Variants in GPR141 observed in about 807,000 individuals in gnomAD.
GPR141 encodes the protein probable G protein-coupled receptor 141.
A neutral mutation model predicts 6.8 loss-of-function variants in GPR141; 6 were observed. The ratio of observed to expected loss-of-function variants is 0.88; its 90% CI spans 0.48 to 1.74. The LOEUF (loss-of-function observed/expected upper bound fraction) is 1.74, where lower values mean the gene tolerates loss of function less well. GPR141 is among the 40% of genes most tolerant of loss of function. The pLI is 0.01. For synonymous variants in GPR141, 140 were observed against 142.3 expected, an observed-to-expected ratio of 0.98 and a Z score of 0.11; for missense variants, 372 against 372.9, an observed-to-expected ratio of 1.00 and a Z score of 0.02.
At chr7:37,685,641 T>C (rs1455123133) in intron 2 of GPR141, 58 bp downstream of exon 2, 1 of 151,778 alleles carries the variant, frequency 6.6e-6, no homozygotes, top group Non-Finnish European at 1.5e-5. Flanking sequence ...AGAGACAGGG[T>C]CTTGCTCATG....
chr7:37,705,751 T>C (rs1426363036), intron 2 of GPR141, among the ~76,000 whole-genome samples: 5 of 152,186 alleles, frequency 3.3e-5, no homozygotes, highest in African/African-American at 9.6e-5. Flanking sequence ...ATAAAAAATA[T>C]AGACAGCTAT....
At chr7:37,699,635 G>T (rs960481531) in intron 2 of GPR141, among the ~76,000 whole-genome samples, 1 of 152,208 alleles carries the variant, frequency 6.6e-6, no homozygotes, top group Non-Finnish European at 1.5e-5. Context: ...TGGCAGGTGG[G>T]ATTGGGCCCT....
At chr7:37,705,612 C>A (rs1810491425) in intron 2 of GPR141, among the ~76,000 whole-genome samples, 1 of 152,040 alleles carries the variant, frequency 6.6e-6, no homozygotes, top group African/African-American at 2.4e-5. Flanking sequence ...CTTGGTAAAC[C>A]TGATTTGAAG....
chr7:37,730,905 C>G (rs1165784860), intron 2 of GPR141, among the ~76,000 whole-genome samples: 1 of 152,208 alleles, frequency 6.6e-6, no homozygotes, highest in Non-Finnish European at 1.5e-5. Context: ...AAGCTTTGAA[C>G]TTTCCATTTT....
chr7:37,691,030 T>C (rs1356770338), intron 2 of GPR141, among the ~76,000 whole-genome samples: 1 of 152,226 alleles, frequency 6.6e-6, no homozygotes, highest in African/African-American at 2.4e-5. Flanking sequence ...TGGTGTGTTC[T>C]CTTTCTGAAT....
At chr7:37,733,671 C>CAAA (rs55943222) in intron 2 of GPR141, among the ~76,000 whole-genome samples, 8 of 101,298 alleles carry the variant, frequency 7.9e-5, no homozygotes, top group Non-Finnish European at 1.5e-4. Flanking sequence ...AACTCCATCT[C>CAAA]AAAAAAAAAA....
chr7:37,715,952 G>A (rs1222391886), intron 2 of GPR141, among the ~76,000 whole-genome samples: 1 of 152,168 alleles, frequency 6.6e-6, no homozygotes, highest in Non-Finnish European at 1.5e-5. Flanking sequence ...GCCCAAACTA[G>A]TAATTGTGAT....
intron 2 of GPR141, among the ~76,000 whole-genome samples, chr7:37,722,649 G>A (rs1440155743): frequency 6.6e-6 from 1 of 150,802 alleles, no homozygotes; most frequent in Non-Finnish European, 1.5e-5. Context: ...TTGAACCCAG[G>A]AGGTGGAGGT....
intron 2 of GPR141, chr7:37,730,117 TTCTTC>T (rs1181005567): frequency 6.6e-6 from 1 of 152,216 alleles, no homozygotes; most frequent in South Asian, 2.1e-4. Flanking sequence ...TCCCTTCATC[TTCTTC>T]TCTTCTTTCT....
chr7:37,694,942 A>G (rs1281901309), intron 2 of GPR141, among the ~76,000 whole-genome samples: 1 of 152,136 alleles, frequency 6.6e-6, no homozygotes, highest in African/African-American at 2.4e-5. Context: ...AAGGGTAGAT[A>G]AAGGAATTCC....
intron 2 of GPR141, among the ~76,000 whole-genome samples, chr7:37,686,167 T>A (rs1320385399): frequency 6.7e-6 from 1 of 149,798 alleles, no homozygotes; most frequent in Non-Finnish European, 1.5e-5. Flanking sequence ...CCTGCCTTTT[T>A]TTTTTTTTTT....
At chr7:37,717,454 A>G (rs1258620606) in intron 2 of GPR141, among the ~76,000 whole-genome samples, 1 of 152,198 alleles carries the variant, frequency 6.6e-6, no homozygotes, top group East Asian at 1.9e-4. Context: ...TTGCTGATTG[A>G]TGCATTTCAG....
At chr7:37,706,230 T>C (rs1484536858) in intron 2 of GPR141, among the ~76,000 whole-genome samples, 11 of 152,194 alleles carry the variant, frequency 7.2e-5, no homozygotes, top group Non-Finnish European at 1.3e-4. Flanking sequence ...CTAACCTTTG[T>C]GGCCAGGGAC....
At chr7:37,686,430 A>G (rs1269958827) in intron 2 of GPR141, among the ~76,000 whole-genome samples, 1 of 152,166 alleles carries the variant, frequency 6.6e-6, no homozygotes, top group East Asian at 1.9e-4. Context: ...AAATTATGTT[A>G]TTGTCCCATC....
At chr7:37,688,828 AT>A (rs1329014820) in intron 2 of GPR141, among the ~76,000 whole-genome samples, 2 of 152,072 alleles carry the variant, frequency 1.3e-5, no homozygotes, top group Non-Finnish European at 2.9e-5. Flanking sequence ...GCTTATCAAA[AT>A]TTTCCTTTCT....
In GPR141 at chr7:37,740,864, C is replaced by A; in HGVS notation, c.471C>A (p.Ile157=). 1 of 1,614,064 alleles carries A rather than the reference C, an allele frequency of 6.2e-7. No individual in the cohort carries two copies. The highest frequency in any genetic ancestry group is 8.5e-7 in the Non-Finnish European group (1 of 1,179,924). The change falls in exon 3 of 3, where the codon ATC becomes ATA. Residue 157 remains isoleucine, a synonymous_variant. Transcript: ENST00000334425. ...VVPLVVSRYG[I]HEEYNEEHCF... ...CCCTGGTTGTCTCCCGGTATGGAATCCATGAGGAATACAATGAGGAGCACT... is the reference window on the plus strand; with the variant it reads ...CCCTGGTTGTCTCCCGGTATGGAATACATGAGGAATACAATGAGGAGCACT...
At chr7:37,712,979 T>C (rs1810878536) in intron 2 of GPR141, among the ~76,000 whole-genome samples, 1 of 152,196 alleles carries the variant, frequency 6.6e-6, no homozygotes, top group Non-Finnish European at 1.5e-5. Flanking sequence ...TAGCCCAGCA[T>C]GTTTTTCTCA....
At chr7:37,728,382 A>G (rs1363158481) in intron 2 of GPR141, among the ~76,000 whole-genome samples, 1 of 152,240 alleles carries the variant, frequency 6.6e-6, no homozygotes, top group Non-Finnish European at 1.5e-5. Flanking sequence ...GAGAAATCCC[A>G]AAGTAGGTTA....
rs1812533591 is a variant in GPR141, at chr7:37,741,057, T to C, written c.664T>C (p.Trp222Arg). Residue 222 changes from tryptophan (W) to arginine (R), a missense_variant, in exon 3 of 3, where the codon TGG (tryptophan) becomes CGG (arginine). Transcript: ENST00000334425. ...RHSLLSHQEF[W>R]AQLKNLFFIG... is the part of the protein sequence containing the mutation. ...CTCTTTACTATCCCACCAGGAGTTC[T>C]GGGCTCAGCTGAAAAACCTATTTTT... is the stretch of plus-strand genomic sequence containing the variant. 1.2e-6 allele frequency: 2 copies of C among 1,614,052 alleles called. No homozygotes were observed. The highest frequency in any genetic ancestry group is 2.2e-5 in the East Asian group (1 of 44,900).
Sources: gnomAD v4.1 joint callset for allele counts (sites outside exome capture counted in the v4.1 genomes callset) on GRCh38, gnomAD v4.1.1 for gene constraint, MANE v1.5 for transcripts, NCBI Gene and HGNC (gene_info 2026-07-23, HGNC 2026-07-21) for gene names.